Variants in ELOVL6 observed in about 807,000 individuals in gnomAD.
The protein encoded by ELOVL6 is ELOVL fatty acid elongase 6.
A neutral mutation model predicts 31.7 loss-of-function variants in ELOVL6; 8 were observed. The observed-to-expected ratio is 0.25, with a 90% CI of 0.15 to 0.45. The LOEUF is 0.45. Among genes scored for constraint, ELOVL6 ranks in the 20% least tolerant of loss-of-function variants. The probability of loss-of-function intolerance (pLI) is 1.00; values close to 1 mark genes in which losing one functional copy is unlikely to be tolerated. For missense variants in ELOVL6, 126 were observed against 326.4 expected, an observed-to-expected ratio of 0.39 and a Z score of 4.73; for synonymous variants, 101 against 117.7, an observed-to-expected ratio of 0.86 and a Z score of 0.92.
intron 1 of ELOVL6, among the ~76,000 whole-genome samples, chr4:110,154,698 G>C (rs1043315867): frequency 7.9e-5 from 12 of 152,206 alleles, no homozygotes; most frequent in Non-Finnish European, 1.3e-4. Flanking sequence ...TTTCTTACCA[G>C]CTGCTAACTT....
At chr4:110,193,272 C>T (rs1759674963) in intron 1 of ELOVL6, among the ~76,000 whole-genome samples, 1 of 152,176 alleles carries the variant, frequency 6.6e-6, no homozygotes, top group African/African-American at 2.4e-5. Flanking sequence ...ACTTTCCAAA[C>T]TTCACCTACA....
chr4:110,057,906 C>G (rs1201377882), intron 3 of ELOVL6, among the ~76,000 whole-genome samples: 1 of 150,866 alleles, frequency 6.6e-6, no homozygotes, highest in African/African-American at 2.4e-5. Flanking sequence ...AGAATACATG[C>G]TCACACTCTC....
intron 2 of ELOVL6, among the ~76,000 whole-genome samples, chr4:110,105,235 TC>T (rs758902632): frequency 8.5e-5 from 13 of 152,118 alleles, no homozygotes; most frequent in Non-Finnish European, 1.5e-4. Flanking sequence ...CTGCTTCTCA[TC>T]CTAACAGATC....
chr4:110,048,866 C>A lies in ELOVL6; in HGVS notation c.*2472G>T, dbSNP rs1385565994. The stretch of plus-strand genomic sequence containing the variant: ...AAGACAAACAAACATGAACCTAATA[C>A]CAAAATGAAAGTGCTTTGGAAGCAT... On this transcript the variant is annotated 3_prime_UTR_variant, in exon 4 of 4. Coordinates refer to ENST00000302274, the MANE Select transcript of ELOVL6 (RefSeq NM_024090.3). 1 of 152,102 alleles carries A rather than the reference C, an allele frequency of 6.6e-6. No individual in the cohort carries two copies. The highest frequency in any genetic ancestry group is 1.9e-4 in the East Asian group (1 of 5,196). The allele number at this position is 152,102 out of a possible 1,614,324, so 9.4% of individuals were successfully genotyped here.
At chr4:110,091,008 G>A (rs959519380) in intron 2 of ELOVL6, among the ~76,000 whole-genome samples, 2 of 152,180 alleles carry the variant, frequency 1.3e-5, no homozygotes, top group Non-Finnish European at 2.9e-5. Flanking sequence ...ATAAAGGTAT[G>A]GCAGAAAGAG....
rs988236063 is a variant in ELOVL6 at position 110,110,362 on chromosome 4, AT to A, written c.90-4735del. Among the ~76,000 whole-genome samples, 6 of 107,744 alleles carry A rather than the reference AT, an allele frequency of 5.6e-5. No homozygotes were observed. The East Asian group carries it at 1.6e-3, about 28-fold the overall frequency. The allele number at this position is 107,744 out of a possible 152,430, so 70.7% of individuals were successfully genotyped here. On this transcript the variant is annotated intron_variant, in intron 1 of 3. Coordinates refer to ENST00000302274, the MANE Select transcript of ELOVL6 (RefSeq NM_024090.3). ...GGATTCTGCAAGACTTCATATAGGC[AT>A]TTTTTTTACGTTAAAAAAAATGGAA...
intron 2 of ELOVL6, chr4:110,093,089 G>A (rs1420028555): frequency 6.7e-6 from 3 of 449,774 alleles, no homozygotes; most frequent in Non-Finnish European, 1.3e-5. Context: ...TTGGTAAAAC[G>A]ATTTAAAGAA....
At chr4:110,103,763 C>CA in intron 2 of ELOVL6, among the ~76,000 whole-genome samples, 1 of 143,938 alleles carries the variant, frequency 6.9e-6, no homozygotes, top group East Asian at 2.5e-4. Context: ...ATCTATAAGC[C>CA]AAAAGATATC....
rs1042126202 is a variant in ELOVL6, at chr4:110,091,666, G to C, written c.221+13831C>G. ...ATTGAAAATTTCTGCTCCAGTTCCGGGTTAACACAAATACCAGCTACATTA... is the reference window on the plus strand; with the variant it reads ...ATTGAAAATTTCTGCTCCAGTTCCGCGTTAACACAAATACCAGCTACATTA... On this transcript the variant is annotated intron_variant, in intron 2 of 3. Transcript: ENST00000302274. Among the ~76,000 whole-genome samples the C allele has an allele frequency of 2.6e-5, 4 of 152,114 alleles. No individual in the cohort carries two copies. In the East Asian group the frequency reaches 7.7e-4, roughly 29 times the overall value.
At chr4:110,084,362 CAT>C (rs1363250387) in intron 2 of ELOVL6, among the ~76,000 whole-genome samples, 4 of 41,200 alleles carry the variant, frequency 9.7e-5, no homozygotes, top group Non-Finnish European at 1.6e-4. Flanking sequence ...ATATATACCG[CAT>C]ATATGATATA....
intron 1 of ELOVL6, among the ~76,000 whole-genome samples, chr4:110,113,377 G>A (rs1757090831): frequency 2.0e-5 from 3 of 151,646 alleles, no homozygotes; most frequent in East Asian, 3.9e-4. Flanking sequence ...CCAGGAGTTC[G>A]AGACCAGCCT....
chr4:110,166,800 T>C (rs934453425), intron 1 of ELOVL6, among the ~76,000 whole-genome samples: 5 of 152,290 alleles, frequency 3.3e-5, no homozygotes, highest in African/African-American at 4.8e-5. Context: ...GCTCTCAAAG[T>C]CCCTGCCTTT....
At chr4:110,057,573 GGGCACAGT>G (rs1372579637) in intron 3 of ELOVL6, among the ~76,000 whole-genome samples, 1 of 151,916 alleles carries the variant, frequency 6.6e-6, no homozygotes, top group Non-Finnish European at 1.5e-5. Flanking sequence ...AGCCACAGCC[GGGCACAGT>G]GGCTCATGCC....
In ELOVL6 at chr4:110,049,887, CT is replaced by C. The variant is rs558430364; in HGVS notation, c.*1450del. The C allele has an allele frequency of 1.1e-3, 161 of 145,506 alleles. No individual in the cohort carries two copies. The highest frequency in any genetic ancestry group is 3.1e-3 in the African/African-American group (123 of 39,622). 9.0% of individuals were successfully genotyped at this position (145,506 alleles called of 1,614,324 possible). A position where few individuals can be genotyped will look rare whatever the true frequency, so the allele number is the denominator to read the frequency against. On this transcript the variant is annotated 3_prime_UTR_variant, in exon 4 of 4. Transcript: ENST00000302274. ...AAATATTACAGAGAATATTATCCAG[CT>C]TTTTTTTTTTAAAGAATATGGCTCT... is the stretch of plus-strand genomic sequence containing the variant.
At chr4:110,054,061 A>G (rs1754909322) in intron 3 of ELOVL6, among the ~76,000 whole-genome samples, 1 of 152,188 alleles carries the variant, frequency 6.6e-6, no homozygotes, top group Admixed American at 6.5e-5. Flanking sequence ...AGATCATGCC[A>G]TTGCACTCTA....
At chr4:110,122,600 A>C (rs1203268728) in intron 1 of ELOVL6, among the ~76,000 whole-genome samples, 1 of 151,842 alleles carries the variant, frequency 6.6e-6, no homozygotes, top group African/African-American at 2.4e-5. Flanking sequence ...CTGGTCTCAA[A>C]CTCCTGAGCT....
intron 1 of ELOVL6, among the ~76,000 whole-genome samples, chr4:110,107,742 A>G (rs1023034610): frequency 1.3e-5 from 2 of 152,198 alleles, no homozygotes; most frequent in Admixed American, 1.3e-4. Flanking sequence ...CTACCAAGTT[A>G]ATGTAGGTGA....
intron 1 of ELOVL6, among the ~76,000 whole-genome samples, chr4:110,177,540 G>C (rs1293087579): frequency 6.6e-6 from 1 of 152,028 alleles, no homozygotes; most frequent in East Asian, 1.9e-4. Flanking sequence ...GCCTTGACAA[G>C]AAAGCAAATA....
In ELOVL6 at chr4:110,048,736, C is replaced by T. The variant is rs994176521; in HGVS notation, c.*2602G>A. 1 of 152,052 alleles carries T rather than the reference C, an allele frequency of 6.6e-6. No individual in the cohort carries two copies. The highest frequency in any genetic ancestry group is 2.4e-5 in the African/African-American group (1 of 41,408). 9.4% of individuals were successfully genotyped at this position (152,052 alleles called of 1,614,324 possible). The stretch of plus-strand genomic sequence containing the variant: ...GTTTTAAAAAAAATGTGGCTTTTTT[C>T]CTCCCATGATAAACATTGGAAATGC... On this transcript the variant is annotated 3_prime_UTR_variant, in exon 4 of 4. Transcript: ENST00000302274.
Sources: gnomAD v4.1 joint callset for allele counts (sites outside exome capture counted in the v4.1 genomes callset) on GRCh38, gnomAD v4.1.1 for gene constraint, MANE v1.5 for transcripts, NCBI Gene and HGNC (gene_info 2026-07-23, HGNC 2026-07-21) for gene names.